The following TET3 variants were observed in gnomAD, a reference collection of about 807,000 sequenced individuals.
TET3 encodes methylcytosine dioxygenase TET3.
Under a neutral mutation model 141.4 loss-of-function variants are expected in TET3, and 19 were observed. The observed-to-expected ratio is 0.13, with a 90% CI of 0.09 to 0.20. TET3 has a LOEUF of 0.20. Ranked by LOEUF, TET3 falls within the 10% of genes least tolerant of loss-of-function variation. The probability of loss-of-function intolerance (pLI) is 1.00; values close to 1 mark genes in which losing one functional copy is unlikely to be tolerated. For missense variants in TET3, 1,874 were observed against 2,356.9 expected (o/e 0.80, Z 4.24); for synonymous variants, 1,043 against 980.9 (o/e 1.06, Z -1.18).
At chr2:74,045,834 A>G (rs1039800067) in intron 3 of TET3, among the ~76,000 whole-genome samples, 2 of 152,226 alleles carry the variant, frequency 1.3e-5, no homozygotes, top group African/African-American at 4.8e-5. Context: ...CCCTACCCCT[A>G]CGAACCCACA....
chr2:74,068,669 T>G (rs560736646), intron 4 of TET3, among the ~76,000 whole-genome samples: 1 of 152,338 alleles, frequency 6.6e-6, no homozygotes, highest in South Asian at 2.1e-4. Context: ...TCAAACAGAT[T>G]GTGCATTTGT....
At position 74,002,371 on chromosome 2, in the gene TET3, A is replaced by AC. The variant is rs547898904; in HGVS notation, c.304-732dup. The stretch of plus-strand genomic sequence containing the variant: ...AGTGGCGAAGCGGGAATCCCCCCCC[A>AC]CCCCCCCGGCGTCTGCTCCGCTCCG... On this transcript the variant is annotated intron_variant, in intron 2 of 11. Coordinates refer to ENST00000409262, the MANE Select transcript of TET3 (RefSeq NM_001287491.2). Among the ~76,000 whole-genome samples, 291 of 65,058 alleles carry AC rather than the reference A, an allele frequency of 4.5e-3. 1 individual carries two copies. The highest frequency in any genetic ancestry group is 0.014 in the Middle Eastern group (2 of 140). 42.7% of individuals were successfully genotyped at this position (65,058 alleles called of 152,430 possible).
At chr2:74,080,630 G>A in intron 6 of TET3, 39 bp downstream of exon 6, 1 of 1,567,984 alleles carries the variant, frequency 6.4e-7, no homozygotes, top group South Asian at 1.1e-5. Context: ...AGCTGTGCCT[G>A]GTTCCCCTTG....
intron 4 of TET3, among the ~76,000 whole-genome samples, chr2:74,049,827 C>T (rs138362319): frequency 3.7e-4 from 57 of 152,156 alleles, no homozygotes; most frequent in African/African-American, 1.3e-3. Context: ...GAAAATCTGG[C>T]CCCAGGGCTC....
At chr2:74,003,050 G>C (rs942826565) in intron 2 of TET3, 60 bp from the exon 3 acceptor site, 33 of 1,537,202 alleles carry the variant, frequency 2.1e-5, no homozygotes, top group Non-Finnish European at 2.6e-5. Context: ...TGTAGCAGGA[G>C]GACTTTGCTG....
intron 3 of TET3, among the ~76,000 whole-genome samples, chr2:74,028,286 T>G (rs1398605752): frequency 7.9e-6 from 1 of 126,556 alleles, no homozygotes; most frequent in South Asian, 2.3e-4. Flanking sequence ...TGCCTAGCCG[T>G]TTTTTTTTTC....
chr2:74,063,515 A>G (rs911086329), intron 4 of TET3, among the ~76,000 whole-genome samples: 1 of 152,164 alleles, frequency 6.6e-6, no homozygotes, highest in Non-Finnish European at 1.5e-5. Flanking sequence ...TTTACGTTTA[A>G]TACCTTACAA....
chr2:74,061,449 C>T (rs1378290482), intron 4 of TET3, among the ~76,000 whole-genome samples: 5 of 141,148 alleles, frequency 3.5e-5, no homozygotes, highest in Non-Finnish European at 6.2e-5. Flanking sequence ...CCGGACGGGG[C>T]GGCTGGCAGG....
intron 4 of TET3, among the ~76,000 whole-genome samples, chr2:74,059,683 A>G (rs901138790): frequency 2.0e-5 from 3 of 152,216 alleles, no homozygotes; most frequent in African/African-American, 7.2e-5. Context: ...AGTAGCTGGG[A>G]CTACAGGCAC....
At chr2:74,083,705 TA>T (rs552250548) in intron 6 of TET3, among the ~76,000 whole-genome samples, 3 of 152,196 alleles carry the variant, frequency 2.0e-5, no homozygotes, top group Non-Finnish European at 4.4e-5. Context: ...TTAGTTTTTT[TA>T]GTGCACCCAG....
rs199581797 is a variant in TET3 at position 74,101,578 on chromosome 2, A to C, written c.4790A>C (p.Lys1597Thr). 3.4e-5 allele frequency: 54 copies of C among 1,609,320 alleles called. No individual in the cohort carries two copies. The highest frequency in any genetic ancestry group is 4.6e-5 in the Non-Finnish European group (54 of 1,177,638). The change falls in exon 12 of 12, where the codon AAG (lysine) becomes ACG (threonine). Residue 1597 changes from lysine to threonine, a missense_variant. Lys to Thr is a moderately conservative substitution (Grantham distance 78). Coordinates refer to ENST00000409262, the MANE Select transcript of TET3 (RefSeq NM_001287491.2). This position sits in a 1 kb window ranked among gnomAD's most constrained non-coding sequence, Gnocchi z 8.5. ...GSSEKLFGAL[K>T]SEEKLWDPFS... ...AGCGAGAAGCTGTTTGGGGCTCTGAAGTCAGAGGAGAAGCTGTGGGACCCC... is the reference window on the plus strand; with the variant it reads ...AGCGAGAAGCTGTTTGGGGCTCTGACGTCAGAGGAGAAGCTGTGGGACCCC...
intron 3 of TET3, among the ~76,000 whole-genome samples, chr2:74,035,085 C>T (rs2105310514): frequency 6.6e-6 from 1 of 151,328 alleles, no homozygotes; most frequent in South Asian, 2.1e-4. Flanking sequence ...GCCTGTAGTC[C>T]CAGCTATTCG....
chr2:74,102,216 C>T lies in TET3; in HGVS notation c.*40C>T, dbSNP rs1349884020. 7 of 1,410,148 alleles carry T rather than the reference C, an allele frequency of 5.0e-6. No individual in the cohort carries two copies. Among genetic ancestry groups the T allele is most frequent in the African/African-American group, 1.4e-5 (1 of 69,160 alleles). The allele number at this position is 1,410,148 out of a possible 1,614,324, so 87.4% of individuals were successfully genotyped here. On this transcript the variant is annotated 3_prime_UTR_variant, in exon 12 of 12. Coordinates refer to ENST00000409262, the MANE Select transcript of TET3 (RefSeq NM_001287491.2). ...GCGTACCTCAGCGTCGGGCCTGGCC[C>T]GAGCTGTCTCTGTGGTGCTTTTGCC...
chr2:74,098,243 A>G (rs1250889985), intron 10 of TET3, among the ~76,000 whole-genome samples: 1 of 152,222 alleles, frequency 6.6e-6, no homozygotes, highest in Non-Finnish European at 1.5e-5. Context: ...TTCAAAAAGT[A>G]TTGTTTATGG....
At chr2:74,114,129 G>C in the TET3 span, among the ~76,000 whole-genome samples, 1 of 152,162 alleles carries the variant, frequency 6.6e-6, no homozygotes, top group Non-Finnish European at 1.5e-5. Context: ...GAACAGAATA[G>C]AGAACCCAGA....
chr2:74,116,718 C>A, the TET3 span, among the ~76,000 whole-genome samples: 32 of 151,628 alleles, frequency 2.1e-4, no homozygotes, highest in Non-Finnish European at 4.7e-4. Flanking sequence ...CACTGTGTAC[C>A]CCATGAATAT....
chr2:73,984,921 A>G lies in TET3; in HGVS notation c.-661A>G, dbSNP rs566217278. ...GCGCGGGGGGCGGGGAGTCCCGCGG[A>G]CGCCTTCATTGCTGCTGCTGCTGCC... On this transcript the variant is annotated 5_prime_UTR_variant, in exon 1 of 12. Transcript: ENST00000409262. This position sits in a 1 kb window ranked among gnomAD's most constrained non-coding sequence, Gnocchi z 5.6. 0.01 allele frequency among the ~76,000 whole-genome samples: 1,509 copies of G among 144,450 alleles called. 31 individuals are homozygous for G. Among genetic ancestry groups the G allele is most frequent in the African/African-American group, 0.036 (1,441 of 39,684 alleles). The allele number at this position is 144,450 out of a possible 152,430, so 94.8% of individuals were successfully genotyped here. A position where few individuals can be genotyped will look rare whatever the true frequency, so the allele number is the denominator to read the frequency against.
At chr2:74,008,942 G>A (rs141198629) in intron 3 of TET3, among the ~76,000 whole-genome samples, 101 of 152,232 alleles carry the variant, frequency 6.6e-4, no homozygotes, top group African/African-American at 2.0e-3. Context: ...TTTTTCCCCC[G>A]TGTAATCCTA....
intron 2 of TET3, among the ~76,000 whole-genome samples, chr2:73,998,177 G>C (rs764331937): frequency 2.6e-5 from 4 of 152,112 alleles, no homozygotes; most frequent in Non-Finnish European, 5.9e-5. Flanking sequence ...TCTTCTGCTG[G>C]GGCTGTCCCC....
Sources: gnomAD v4.1 joint callset for allele counts (sites outside exome capture counted in the v4.1 genomes callset) on GRCh38, gnomAD v4.1.1 for gene constraint, Gnocchi (gnomAD v3.1) non-coding constraint, MANE v1.5 for transcripts, NCBI Gene and HGNC (gene_info 2026-07-23, HGNC 2026-07-21) for gene names.